GKAP1: variants seen among roughly 807,000 people sequenced by gnomAD.
GKAP1 encodes G kinase anchoring protein 1.
Under a neutral mutation model 56.7 loss-of-function variants are expected in GKAP1, and 31 were observed. That is an observed-to-expected ratio of 0.55 (90% CI 0.41 to 0.74). GKAP1 has a LOEUF of 0.74. GKAP1 is among the 30% of genes least tolerant of loss of function. GKAP1 has a pLI of 0.00. For missense variants in GKAP1, 364 were observed against 402.3 expected (o/e 0.90, Z 0.82); for synonymous variants, 151 against 138.6 (o/e 1.09, Z -0.63).
intron 10 of GKAP1, among the ~76,000 whole-genome samples, chr9:83,743,865 T>G (rs1167293744): frequency 6.6e-6 from 1 of 152,184 alleles, no homozygotes; most frequent in African/African-American, 2.4e-5. Context: ...TCAGAAATTT[T>G]CACATGGCTG....
At chr9:83,760,818 A>G in intron 8 of GKAP1, among the ~76,000 whole-genome samples, 1 of 152,142 alleles carries the variant, frequency 6.6e-6, no homozygotes, top group Middle Eastern at 3.2e-3. Flanking sequence ...TCTTGAAACA[A>G]ATGATAATGG....
chr9:83,808,139 T>C (rs1944463938), intron 2 of GKAP1, among the ~76,000 whole-genome samples: 1 of 152,184 alleles, frequency 6.6e-6, no homozygotes, highest in South Asian at 2.1e-4. Flanking sequence ...TGATACCACA[T>C]TGATAAACCG....
At chr9:83,810,849 T>C (rs1256973862) in intron 2 of GKAP1, among the ~76,000 whole-genome samples, 2 of 152,244 alleles carry the variant, frequency 1.3e-5, no homozygotes, top group Non-Finnish European at 2.9e-5. Context: ...GATTTCATCA[T>C]TGTATGAGTA....
intron 12 of GKAP1, among the ~76,000 whole-genome samples, chr9:83,740,388 A>G (rs1943187244): frequency 6.6e-6 from 1 of 151,966 alleles, no homozygotes; most frequent in African/African-American, 2.4e-5. Context: ...ATAACATAAC[A>G]TTTTCTGTTT....
chr9:83,784,222 G>C (rs1181904541), intron 6 of GKAP1, among the ~76,000 whole-genome samples: 2 of 151,390 alleles, frequency 1.3e-5, no homozygotes, highest in African/African-American at 2.4e-5. Context: ...AGCCATGACT[G>C]CACCACTGCA....
At chr9:83,796,294 CTG>C (rs912173221) in intron 4 of GKAP1, among the ~76,000 whole-genome samples, 1 of 152,114 alleles carries the variant, frequency 6.6e-6, no homozygotes, top group African/African-American at 2.4e-5. Flanking sequence ...AATTATGCCT[CTG>C]TTGGATTTAA....
intron 7 of GKAP1, among the ~76,000 whole-genome samples, chr9:83,770,490 A>C (rs1232572729): frequency 2.0e-5 from 3 of 152,006 alleles, no homozygotes; most frequent in Non-Finnish European, 4.4e-5. Context: ...TCAATCTGTA[A>C]ATGTCTATTC....
chr9:83,814,458 A>AGG (rs1251999052), intron 2 of GKAP1, among the ~76,000 whole-genome samples: 14 of 152,206 alleles, frequency 9.2e-5, no homozygotes, highest in Non-Finnish European at 2.1e-4. Context: ...GAAGTTAAAC[A>AGG]TTCCCTCCTC....
Position 83,742,527 on chromosome 9 carries a change from T to C in GKAP1, c.975+3A>G. 6.2e-7 allele frequency: 1 copy of C among 1,604,304 alleles called. No individual in the cohort carries two copies. The highest frequency in any genetic ancestry group is 8.5e-7 in the Non-Finnish European group (1 of 1,172,366). ...CAGTCATGTATGCTCCACAGTTCCT[T>C]ACCTGAATAGTGAGCTCATTCTTGA... On this transcript the variant is annotated splice_donor_region_variant and intron_variant, in intron 11 of 12. Transcript: ENST00000376371.
At chr9:83,767,604 C>T (rs574187545) in intron 8 of GKAP1, among the ~76,000 whole-genome samples, 43 of 151,312 alleles carry the variant, frequency 2.8e-4, no homozygotes, top group African/African-American at 9.7e-4. Context: ...TCAAGTGATT[C>T]GCCAGCCTCA....
intron 4 of GKAP1, among the ~76,000 whole-genome samples, chr9:83,792,747 G>A (rs1304924402): frequency 6.6e-6 from 1 of 152,134 alleles, no homozygotes; most frequent in African/African-American, 2.4e-5. Flanking sequence ...GAGAGAGGGA[G>A]ACAGAGACAG....
chr9:83,806,212 A>G (rs924172175), intron 3 of GKAP1, 90 bp downstream of exon 3: 47 of 766,138 alleles, frequency 6.1e-5, no homozygotes, highest in Non-Finnish European at 9.6e-5. Flanking sequence ...TGGAACAGGT[A>G]CTATGGATAC....
At chr9:83,799,781 C>T in intron 3 of GKAP1, among the ~76,000 whole-genome samples, 1 of 152,026 alleles carries the variant, frequency 6.6e-6, no homozygotes, top group Non-Finnish European at 1.5e-5. Context: ...TGGCAAAACC[C>T]AGTCTTCACA....
intron 8 of GKAP1, among the ~76,000 whole-genome samples, chr9:83,759,707 A>C (rs1289326019): frequency 6.6e-6 from 1 of 152,162 alleles, no homozygotes; most frequent in Non-Finnish European, 1.5e-5. Flanking sequence ...GTGAATGCCA[A>C]ATTGTTTTTC....
At chr9:83,760,463 G>C (rs1447535266) in intron 8 of GKAP1, among the ~76,000 whole-genome samples, 1 of 152,136 alleles carries the variant, frequency 6.6e-6, no homozygotes, top group Admixed American at 6.6e-5. Context: ...AGATCTTCTA[G>C]TAAGAAAATC....
At chr9:83,752,929 G>T (rs559258904) in intron 9 of GKAP1, among the ~76,000 whole-genome samples, 13 of 151,908 alleles carry the variant, frequency 8.6e-5, no homozygotes, top group Non-Finnish European at 1.9e-4. Context: ...AAATTAGCCG[G>T]GCGTGGTGGC....
chr9:83,761,338 A>AT (rs1286776231), intron 8 of GKAP1, among the ~76,000 whole-genome samples: 6 of 152,110 alleles, frequency 3.9e-5, no homozygotes, highest in African/African-American at 1.4e-4. Context: ...AAATGGACAA[A>AT]TTCCTAGACA....
rs545011682 is a variant in GKAP1 at position 83,749,766 on chromosome 9, T to C, written c.841-1394A>G. 1.2e-4 allele frequency among the ~76,000 whole-genome samples: 12 copies of C among 102,884 alleles called. No individual in the cohort carries two copies. In the East Asian group the frequency reaches 2.2e-3, roughly 19 times the overall value. 67.5% of individuals were successfully genotyped at this position (102,884 alleles called of 152,430 possible). ...ACTAAATAGTACTCTGTCCATTAAA[T>C]TGTTGATGATAAGTAAATAATGTTT... On this transcript the variant is annotated intron_variant, in intron 9 of 12. Coordinates refer to ENST00000376371, the MANE Select transcript of GKAP1 (RefSeq NM_025211.4).
At position 83,803,245 on chromosome 9, in the gene GKAP1, C is replaced by CCCCTCT. The variant is rs996230810; in HGVS notation, c.216+3051_216+3056dup. 7.8e-3 allele frequency among the ~76,000 whole-genome samples: 1,181 copies of CCCCTCT among 151,026 alleles called. 30 individuals are homozygous for CCCCTCT. Among genetic ancestry groups the CCCCTCT allele is most frequent in the East Asian group, 0.036 (186 of 5,118 alleles). ...TAGCTCCCTCTCCCCTCTCCCCTCT[C>CCCCTCT]CCCTCTCCCTCTCGGTCTCCCTCTC... On this transcript the variant is annotated intron_variant, in intron 3 of 12. Transcript: ENST00000376371.
Sources: gnomAD v4.1 joint callset for allele counts (sites outside exome capture counted in the v4.1 genomes callset) on GRCh38, gnomAD v4.1.1 for gene constraint, MANE v1.5 for transcripts, NCBI Gene and HGNC (gene_info 2026-07-23, HGNC 2026-07-21) for gene names.